NLGN1: variants seen among roughly 807,000 people sequenced by gnomAD.
NLGN1 encodes the protein neuroligin 1, also known as neuroligin-1.
A neutral mutation model predicts 65.5 loss-of-function variants in NLGN1; 12 were observed. The ratio of observed to expected loss-of-function variants is 0.18; its 90% CI spans 0.12 to 0.30. NLGN1 has a LOEUF of 0.30. Among genes scored for constraint, NLGN1 ranks in the 10% least tolerant of loss-of-function variants. The probability of loss-of-function intolerance (pLI) is 1.00; values close to 1 mark genes in which losing one functional copy is unlikely to be tolerated. For missense variants in NLGN1, 750 were observed against 1,007.1 expected (o/e 0.74, Z 3.46); for synonymous variants, 350 against 359.5 (o/e 0.97, Z 0.30).
intron 3 of NLGN1, among the ~76,000 whole-genome samples, chr3:173,688,507 T>C (rs1276620853): frequency 6.6e-6 from 1 of 152,142 alleles, no homozygotes; most frequent in Non-Finnish European, 1.5e-5. Flanking sequence ...ATTTTCTTTT[T>C]AATCATAGCA....
intron 4 of NLGN1, among the ~76,000 whole-genome samples, chr3:174,098,381 A>G (rs753778364): frequency 1.5e-4 from 23 of 152,196 alleles, no homozygotes; most frequent in Non-Finnish European, 2.9e-4. Context: ...CACTTTTCTT[A>G]CTATAATATG....
At chr3:173,619,595 C>G (rs1231588946) in intron 3 of NLGN1, among the ~76,000 whole-genome samples, 1 of 152,100 alleles carries the variant, frequency 6.6e-6, no homozygotes, top group African/African-American at 2.4e-5. Context: ...TCACAATAAA[C>G]TTATGAAAAA....
chr3:173,955,486 TAA>T lies in NLGN1; in HGVS notation c.646+147656_646+147657del, dbSNP rs1390138246. On this transcript the variant is annotated intron_variant, in intron 4 of 6. Coordinates refer to ENST00000457714, the Ensembl canonical transcript of NLGN1. ...GAAAACAACAGTTTCTAATTTTACA[TAA>T]AGAGTCCATGGTAAATACACCTCCA... 8.5e-5 allele frequency among the ~76,000 whole-genome samples: 13 copies of T among 152,248 alleles called. No individual in the cohort carries two copies. The East Asian group carries it at 1.4e-3, about 16-fold the overall frequency.
intron 4 of NLGN1, among the ~76,000 whole-genome samples, chr3:174,176,386 T>C (rs919247003): frequency 2.6e-5 from 4 of 151,528 alleles, no homozygotes; most frequent in African/African-American, 9.7e-5. Flanking sequence ...TAGTTTTTTA[T>C]AGATGCAAAA....
chr3:174,254,197 C>T (rs760812930), intron 4 of NLGN1, among the ~76,000 whole-genome samples: 13 of 151,916 alleles, frequency 8.6e-5, no homozygotes, highest in Non-Finnish European at 1.5e-4. Flanking sequence ...TGCATTTATG[C>T]GCACTTACCA....
chr3:174,054,596 G>C (rs1580026401), intron 4 of NLGN1, among the ~76,000 whole-genome samples: 1 of 151,842 alleles, frequency 6.6e-6, no homozygotes, highest in African/African-American at 2.4e-5. Context: ...ATTTGCTTTT[G>C]TTTGTTTGAA....
At chr3:174,100,752 C>T (rs759403075) in intron 4 of NLGN1, among the ~76,000 whole-genome samples, 1 of 152,002 alleles carries the variant, frequency 6.6e-6, no homozygotes, top group African/African-American at 2.4e-5. Flanking sequence ...CTTCTGCCTC[C>T]TGCTTTCTAA....
intron 4 of NLGN1, among the ~76,000 whole-genome samples, chr3:174,268,961 G>GTT (rs1460159207): frequency 6.9e-6 from 1 of 145,606 alleles, no homozygotes. Flanking sequence ...TCAGAGCCAG[G>GTT]TTTTTTTTTT....
chr3:173,491,100 T>C (rs1425631144), intron 2 of NLGN1, among the ~76,000 whole-genome samples: 1 of 151,858 alleles, frequency 6.6e-6, no homozygotes, highest in East Asian at 1.9e-4. Flanking sequence ...TTCTCCTGCC[T>C]GATTGCCGTG....
intron 4 of NLGN1, among the ~76,000 whole-genome samples, chr3:174,162,825 A>T (rs545994399): frequency 6.6e-6 from 1 of 151,376 alleles, no homozygotes; most frequent in African/African-American, 2.4e-5. Flanking sequence ...TGATTAAATG[A>T]GGATGAGAGA....
exon 7 of NLGN1, chr3:174,285,716 G>A (rs1348312820): frequency 6.6e-6 from 1 of 151,390 alleles, no homozygotes; most frequent in African/African-American, 2.4e-5. Context: ...ATTTGATAAG[G>A]GTTGTGGAGA....
At chr3:173,820,067 T>G (rs1355021648) in intron 4 of NLGN1, among the ~76,000 whole-genome samples, 1 of 151,896 alleles carries the variant, frequency 6.6e-6, no homozygotes, top group Non-Finnish European at 1.5e-5. Flanking sequence ...TAGTCCCAGC[T>G]ACTCGGTAGG....
chr3:174,113,261 A>G (rs992185707), intron 4 of NLGN1, among the ~76,000 whole-genome samples: 1 of 152,012 alleles, frequency 6.6e-6, no homozygotes, highest in African/African-American at 2.4e-5. Flanking sequence ...CAAGTAGGTT[A>G]AGATACTAAT....
intron 1 of NLGN1, among the ~76,000 whole-genome samples, chr3:173,424,638 G>T (rs936340070): frequency 6.6e-6 from 1 of 152,178 alleles, no homozygotes; most frequent in African/African-American, 2.4e-5. Flanking sequence ...AATACCGCCA[G>T]TCTCTTTGCT....
At chr3:173,830,928 G>A (rs991276194) in intron 4 of NLGN1, among the ~76,000 whole-genome samples, 1 of 152,120 alleles carries the variant, frequency 6.6e-6, no homozygotes, top group African/African-American at 2.4e-5. Context: ...TTTTCAAGGA[G>A]ACTAACACAG....
chr3:173,616,770 A>G (rs1335251568), intron 3 of NLGN1, among the ~76,000 whole-genome samples: 1 of 152,100 alleles, frequency 6.6e-6, no homozygotes, highest in East Asian at 1.9e-4. Flanking sequence ...AGTTCTTCCT[A>G]TTCCCATTCC....
intron 2 of NLGN1, among the ~76,000 whole-genome samples, chr3:173,529,738 C>T (rs1358224926): frequency 6.6e-6 from 1 of 152,096 alleles, no homozygotes; most frequent in Admixed American, 6.5e-5. Context: ...ATAAAGACGG[C>T]TTTGTGGCTA....
rs149706899 is a variant in NLGN1, at chr3:173,770,696, G to C, written c.494-36984G>C. On this transcript the variant is annotated intron_variant, in intron 3 of 6. Coordinates refer to ENST00000457714, the Ensembl canonical transcript of NLGN1. ...TTCATTTACAGAAAATACAATTTCA[G>C]ATCAATGTATCGACCTTTCAAAGTC... 3.6e-3 allele frequency among the ~76,000 whole-genome samples: 554 copies of C among 152,234 alleles called. 5 individuals are homozygous for C. Among genetic ancestry groups the C allele is most frequent in the African/African-American group, 0.012 (515 of 41,538 alleles).
chr3:173,790,470 T>A (rs183459748), intron 3 of NLGN1, among the ~76,000 whole-genome samples: 6 of 152,286 alleles, frequency 3.9e-5, no homozygotes, highest in Non-Finnish European at 7.4e-5. Context: ...GATCAGGCAT[T>A]ATACTAGGTA....
Sources: gnomAD v4.1 joint callset for allele counts (sites outside exome capture counted in the v4.1 genomes callset) on GRCh38, gnomAD v4.1.1 for gene constraint, MANE v1.5 for transcripts, NCBI Gene and HGNC (gene_info 2026-07-23, HGNC 2026-07-21) for gene names.